Variants in OCA2 observed in about 807,000 individuals in gnomAD.
The protein encoded by OCA2 is P protein.
OCA2 carries 77 observed loss-of-function variants against 100.2 expected under a neutral mutation model. The observed-to-expected ratio is 0.77, with a 90% CI of 0.64 to 0.93. The LOEUF (loss-of-function observed/expected upper bound fraction) is 0.93, where lower values mean the gene tolerates loss of function less well. OCA2 is among the 40% of genes least tolerant of loss of function. The probability of loss-of-function intolerance (pLI) is 0.00; values close to 1 mark genes in which losing one functional copy is unlikely to be tolerated. For synonymous variants in OCA2, 432 were observed against 439.2 expected (o/e 0.98, Z 0.21); for missense variants, 1,062 against 1,089.1 (o/e 0.98, Z 0.35).
intron 23 of OCA2, among the ~76,000 whole-genome samples, chr15:27,797,015 C>T (rs2033371396): frequency 6.6e-6 from 1 of 152,170 alleles, no homozygotes; most frequent in African/African-American, 2.4e-5. Flanking sequence ...CAGGTACAGT[C>T]ACTGTCAGTC....
In OCA2 at chr15:28,045,894, G is replaced by A. The variant is rs929572526; in HGVS notation, c.228-13731C>T. Among the ~76,000 whole-genome samples the A allele has an allele frequency of 1.8e-4, 28 of 152,156 alleles. 1 individual carries two copies. Among genetic ancestry groups the A allele is most frequent in the African/African-American group, 6.8e-4 (28 of 41,432 alleles). On this transcript the variant is annotated intron_variant, in intron 2 of 23. Coordinates refer to ENST00000354638, the MANE Select transcript of OCA2 (RefSeq NM_000275.3). ...ATATCCTGGTGATATCAGGTTAAGT[G>A]ATACTGAATATTCATACCAAAACCC...
intron 23 of OCA2, among the ~76,000 whole-genome samples, chr15:27,840,787 G>A (rs916924985): frequency 2.0e-5 from 3 of 152,096 alleles, no homozygotes; most frequent in African/African-American, 7.2e-5. Flanking sequence ...GAACATGAAC[G>A]TAAATGTAAC....
chr15:27,722,922 A>G, the OCA2 span, among the ~76,000 whole-genome samples: 191 of 150,382 alleles, frequency 1.3e-3, 1 homozygote, highest in African/African-American at 4.4e-3. Context: ...ACTCTTTGCA[A>G]CCTCCACTTG....
At chr15:27,739,635 G>A in the OCA2 span, among the ~76,000 whole-genome samples, 6 of 151,628 alleles carry the variant, frequency 4.0e-5, no homozygotes, top group Non-Finnish European at 5.9e-5. Flanking sequence ...TAGTAGAGAC[G>A]GGGTTTCACC....
At chr15:27,771,163 C>A (rs1378004574) in intron 23 of OCA2, among the ~76,000 whole-genome samples, 1 of 151,242 alleles carries the variant, frequency 6.6e-6, no homozygotes, top group Non-Finnish European at 1.5e-5. Flanking sequence ...CAGCGACACC[C>A]CCTTGGCCTC....
chr15:28,071,783 G>A (rs1269023400), intron 2 of OCA2, among the ~76,000 whole-genome samples: 1 of 152,178 alleles, frequency 6.6e-6, no homozygotes, highest in African/African-American at 2.4e-5. Flanking sequence ...ATAGATTAAA[G>A]ATTTAAATAT....
intron 1 of OCA2, among the ~76,000 whole-genome samples, chr15:28,083,433 C>T (rs1266547568): frequency 6.6e-6 from 1 of 152,180 alleles, no homozygotes; most frequent in African/African-American, 2.4e-5. Context: ...AACCAGTGAG[C>T]CGAAGGCAGG....
chr15:27,934,116 TA>T (rs1178987544), intron 18 of OCA2, among the ~76,000 whole-genome samples: 3 of 152,028 alleles, frequency 2.0e-5, no homozygotes, highest in Non-Finnish European at 2.9e-5. Flanking sequence ...TTTAACCATA[TA>T]TTTTTTTAAG....
Position 27,879,377 on chromosome 15 carries a change from G to T in OCA2, c.2080-7455C>A, listed in dbSNP as rs185802395. Among the ~76,000 whole-genome samples, 489 of 152,224 alleles carry T rather than the reference G, an allele frequency of 3.2e-3. 2 individuals are homozygous for T. Among genetic ancestry groups the T allele is most frequent in the African/African-American group, 0.011 (471 of 41,546 alleles). On this transcript the variant is annotated intron_variant, in intron 19 of 23. Coordinates refer to ENST00000354638, the MANE Select transcript of OCA2 (RefSeq NM_000275.3). ...TTCCTTTGGGTATATACCCAGCAAT[G>T]GAATTGCTGGGTCAAATGGTATTTT...
intron 9 of OCA2, among the ~76,000 whole-genome samples, chr15:28,006,513 A>G (rs1209078489): frequency 6.6e-6 from 1 of 152,264 alleles, no homozygotes; most frequent in Non-Finnish European, 1.5e-5. Flanking sequence ...CCCAGTGGCC[A>G]GAAGACCTAT....
intron 19 of OCA2, among the ~76,000 whole-genome samples, chr15:27,874,756 C>G (rs947959307): frequency 6.4e-4 from 97 of 151,980 alleles, no homozygotes; most frequent in African/African-American, 2.3e-3. Context: ...ACTAAAAATA[C>G]TAAAAGAGTG....
At chr15:27,933,253 A>G (rs2039322524) in intron 18 of OCA2, among the ~76,000 whole-genome samples, 1 of 152,112 alleles carries the variant, frequency 6.6e-6, no homozygotes, top group African/African-American at 2.4e-5. Flanking sequence ...AATATTCAGT[A>G]TATTGGACTT....
At chr15:27,912,954 G>A (rs978670047) in intron 19 of OCA2, among the ~76,000 whole-genome samples, 9 of 152,104 alleles carry the variant, frequency 5.9e-5, no homozygotes, top group South Asian at 4.1e-4. Flanking sequence ...CTGTGATCTC[G>A]CCAAAACTTC....
At chr15:28,087,485 C>G (rs1330620046) in intron 1 of OCA2, among the ~76,000 whole-genome samples, 3 of 152,162 alleles carry the variant, frequency 2.0e-5, no homozygotes, top group Non-Finnish European at 2.9e-5. Flanking sequence ...GTGGTTCACG[C>G]CTATAATCCT....
intron 23 of OCA2, among the ~76,000 whole-genome samples, chr15:27,841,661 T>C (rs534157589): frequency 2.0e-5 from 3 of 152,346 alleles, no homozygotes; most frequent in Middle Eastern, 6.8e-3. Flanking sequence ...ACAACATATA[T>C]ATCAGAACTG....
At chr15:27,890,328 A>G (rs1172836606) in intron 19 of OCA2, among the ~76,000 whole-genome samples, 2 of 152,232 alleles carry the variant, frequency 1.3e-5, no homozygotes, top group Non-Finnish European at 2.9e-5. Flanking sequence ...TTGGCAAAAG[A>G]CACAAACCTA....
At chr15:27,979,932 T>C (rs1426898317) in intron 14 of OCA2, among the ~76,000 whole-genome samples, 1 of 147,376 alleles carries the variant, frequency 6.8e-6, no homozygotes, top group Non-Finnish European at 1.5e-5. Flanking sequence ...GCCAGGATGG[T>C]CTCGATCTCC....
intron 2 of OCA2, among the ~76,000 whole-genome samples, chr15:28,056,025 C>T (rs1195921148): frequency 5.3e-5 from 8 of 152,090 alleles, no homozygotes; most frequent in Admixed American, 4.6e-4. Context: ...AGAGCAGTGT[C>T]TGTTCCTAGG....
intron 21 of OCA2, among the ~76,000 whole-genome samples, chr15:27,869,958 C>T (rs1187886778): frequency 6.6e-6 from 1 of 152,214 alleles, no homozygotes; most frequent in Non-Finnish European, 1.5e-5. Flanking sequence ...AAAATAACAG[C>T]CACCGAGTTA....
Sources: allele counts gnomAD v4.1 joint callset (sites outside exome capture counted in the v4.1 genomes callset), GRCh38; gene constraint gnomAD v4.1.1; transcripts MANE v1.5; gene names NCBI Gene and HGNC (gene_info 2026-07-23, HGNC 2026-07-21).